Variants in ZFR2 observed in about 807,000 individuals in gnomAD.
The protein encoded by ZFR2 is zinc finger RNA binding protein 2, also known as zinc finger RNA-binding protein 2.
ZFR2 carries 104 observed loss-of-function variants against 105.7 expected under a neutral mutation model. That is an observed-to-expected ratio of 0.98 (90% CI 0.84 to 1.16). The LOEUF (loss-of-function observed/expected upper bound fraction) is 1.16, where lower values mean the gene tolerates loss of function less well. ZFR2 is among the 50% of genes most tolerant of loss of function. The pLI is 0.00. For synonymous variants in ZFR2, 634 were observed against 597.7 expected (o/e 1.06, Z -0.89); for missense variants, 1,425 against 1,355.5 (o/e 1.05, Z -0.80).
chr19:3,867,738 C>T (rs2038448928), intron 1 of ZFR2, among the ~76,000 whole-genome samples: 2 of 152,066 alleles, frequency 1.3e-5, no homozygotes, highest in Non-Finnish European at 2.9e-5. Flanking sequence ...TACTGGCTTC[C>T]CGCCAAGTCT....
chr19:3,845,219 A>T (rs1254317453), intron 1 of ZFR2, among the ~76,000 whole-genome samples: 1 of 152,132 alleles, frequency 6.6e-6, no homozygotes, highest in Admixed American at 6.6e-5. Flanking sequence ...ATTAAGTTTA[A>T]TTCATTTCAA....
At chr19:3,810,635 G>C (rs1252009446) in intron 16 of ZFR2, 115 bp downstream of exon 16, 8 of 1,008,910 alleles carry the variant, frequency 7.9e-6, no homozygotes, top group Non-Finnish European at 1.1e-5. Context: ...CTGAGTACTA[G>C]GTCTCCCGCC....
rs372197446 is a variant in ZFR2 at position 3,830,978 on chromosome 19, CACAT to C, written c.852+321_852+324del. Among the ~76,000 whole-genome samples, 796 of 147,706 alleles carry C rather than the reference CACAT, an allele frequency of 5.4e-3. 3 individuals are homozygous for C. Among genetic ancestry groups the C allele is most frequent in the African/African-American group, 0.015 (599 of 41,208 alleles). ...ATACACACACGCACACACATGCACACACATACACACACGCTTGCACACACAGGCA... is the reference window on the plus strand; with the variant it reads ...ATACACACACGCACACACATGCACACACACACACGCTTGCACACACAGGCA... On this transcript the variant is annotated intron_variant, in intron 5 of 18. Transcript: ENST00000262961.
intron 1 of ZFR2, among the ~76,000 whole-genome samples, chr19:3,842,273 C>G (rs2038140067): frequency 6.6e-6 from 1 of 152,042 alleles, no homozygotes. Context: ...CTCGGCTTCC[C>G]AAAGCACAGG....
In ZFR2 at chr19:3,813,899, G is replaced by A; in HGVS notation, c.2163C>T (p.Ser721=). 6.2e-7 allele frequency: 1 copy of A among 1,613,966 alleles called. No homozygotes were observed. The highest frequency in any genetic ancestry group is 8.5e-7 in the Non-Finnish European group (1 of 1,179,864). The change falls in exon 14 of 19, where the codon TCC becomes TCT. Residue 721 remains serine, a synonymous_variant. Transcript: ENST00000262961. The surrounding 1 kb of genome is among the most constrained non-coding windows in gnomAD (Gnocchi z 4.4). ...SSDPEANIVI[S]SCEEPRMQVT... is the part of the protein sequence containing the mutation. ...CCTGCATCCTGGGCTCCTCACAGGA[G>A]GAGATGACAATGTTGGCTTCAGGGT... is the stretch of plus-strand genomic sequence containing the variant.
Position 3,816,834 on chromosome 19 carries a change from G to A in ZFR2, c.1943C>T (p.Pro648Leu). 6.4e-7 allele frequency: 1 copy of A among 1,563,626 alleles called. No homozygotes were observed. The highest frequency in any genetic ancestry group is 8.7e-7 in the Non-Finnish European group (1 of 1,155,042). The change falls in exon 13 of 19, where the codon CCC (proline) becomes CTC (leucine). Residue 648 changes from proline (P) to leucine (L), a missense_variant. By Grantham distance (98) the Pro-to-Leu change is moderately conservative. Coordinates refer to ENST00000262961, the MANE Select transcript of ZFR2 (RefSeq NM_015174.2). ...GACGCCTTTCAGGACCCGAGTCTGG[G>A]GGGCAACGCTGCTGTGGGGACAAAG... ...EEGDKRSSVA[P>L]QTRVLKGVMR...
intron 1 of ZFR2, among the ~76,000 whole-genome samples, chr19:3,844,011 T>TGTGG (rs1343262643): frequency 2.0e-3 from 3 of 1,478 alleles, no homozygotes; most frequent in East Asian, 0.04. Context: ...GAAAGTAGGA[T>TGTGG]GTGGGGGGGG....
chr19:3,825,105 C>T, intron 7 of ZFR2, 125 bp downstream of exon 7: 1 of 1,173,792 alleles, frequency 8.5e-7, no homozygotes, highest in Non-Finnish European at 1.1e-6. Context: ...CGGCACCAGC[C>T]AGCCCCTCAC....
chr19:3,822,326 G>A, intron 8 of ZFR2, 126 bp from the exon 9 acceptor site: 1 of 1,428,126 alleles, frequency 7.0e-7, no homozygotes, highest in South Asian at 1.3e-5. Flanking sequence ...TGTCTTTTTA[G>A]AGACAGCGTC....
At chr19:3,857,695 CAAAAAA>C (rs11367233) in intron 1 of ZFR2, among the ~76,000 whole-genome samples, 2 of 104,400 alleles carry the variant, frequency 1.9e-5, no homozygotes, top group Non-Finnish European at 2.0e-5. Context: ...GACCCTGTCT[CAAAAAA>C]AAAAAAAAAA....
chr19:3,808,695 A>T (rs76421657), intron 17 of ZFR2, among the ~76,000 whole-genome samples, 177 bp downstream of exon 17: 110 of 152,314 alleles, frequency 7.2e-4, no homozygotes, highest in African/African-American at 2.5e-3. Context: ...GGTGTCCTCC[A>T]TGACCGCGGC....
Position 3,805,556 on chromosome 19 carries a change from G to C in ZFR2, c.*393C>G, listed in dbSNP as rs927357672. 5.9e-6 allele frequency: 1 copy of C among 168,286 alleles called. No individual in the cohort carries two copies. Among genetic ancestry groups the C allele is most frequent in the Admixed American group, 6.1e-5 (1 of 16,486 alleles). 10.4% of individuals were successfully genotyped at this position (168,286 alleles called of 1,614,324 possible). On this transcript the variant is annotated 3_prime_UTR_variant, in exon 19 of 19. Transcript: ENST00000262961. Reference sequence around the variant, plus strand: ...ACTAGAGACAGGGTTTCACCATGTTGACCAGGCCGGTCTCGAACTCCTGAC... The same window carrying C: ...ACTAGAGACAGGGTTTCACCATGTTCACCAGGCCGGTCTCGAACTCCTGAC...
intron 6 of ZFR2, among the ~76,000 whole-genome samples, chr19:3,827,029 G>C (rs767557407): frequency 6.6e-6 from 1 of 152,054 alleles, no homozygotes; most frequent in Non-Finnish European, 1.5e-5. Flanking sequence ...ATCACTTGAG[G>C]TCAGGAGTTC....
rs747377516 is a variant in ZFR2 at position 3,811,434 on chromosome 19, A to AG, written c.2243-69dup. 5.1e-4 allele frequency: 732 copies of AG among 1,435,072 alleles called. 1 individual carries two copies. Among genetic ancestry groups the AG allele is most frequent in the Non-Finnish European group, 6.4e-4 (684 of 1,065,330 alleles). The allele number at this position is 1,435,072 out of a possible 1,614,324, so 88.9% of individuals were successfully genotyped here. A position where few individuals can be genotyped will look rare whatever the true frequency, so the allele number is the denominator to read the frequency against. ...GTCCCGCTCTGCTGCCGACGGGGTG[A>AG]GGGGCTCAGTTTGGGCCCCTCGACG... On this transcript the variant is annotated intron_variant, in intron 14 of 18. Transcript: ENST00000262961.
At position 3,838,868 on chromosome 19, in the gene ZFR2, C is replaced by T. The variant is rs1032201600; in HGVS notation, c.54-3885G>A. On this transcript the variant is annotated intron_variant, in intron 1 of 18. Coordinates refer to ENST00000262961, the MANE Select transcript of ZFR2 (RefSeq NM_015174.2). This position sits in a 1 kb window ranked among gnomAD's most constrained non-coding sequence, Gnocchi z 4.9. ...ATGCCCTGAGATGCAGGACCAGCTG[C>T]AGCTGCCCAGCTGTCTCCCGGGGCC... Among the ~76,000 whole-genome samples, 2 of 152,206 alleles carry T rather than the reference C, an allele frequency of 1.3e-5. No individual in the cohort carries two copies. The highest frequency in any genetic ancestry group is 6.5e-5 in the Admixed American group (1 of 15,278).
intron 1 of ZFR2, among the ~76,000 whole-genome samples, chr19:3,854,729 G>T (rs2038278629): frequency 6.6e-6 from 1 of 152,104 alleles, no homozygotes; most frequent in Non-Finnish European, 1.5e-5. Context: ...AAAGAGTTGG[G>T]CAGAAAACAA....
intron 6 of ZFR2, among the ~76,000 whole-genome samples, chr19:3,826,691 G>A (rs1350490677): frequency 6.6e-6 from 1 of 151,902 alleles, no homozygotes; most frequent in Non-Finnish European, 1.5e-5. Flanking sequence ...ACTCGCCTCG[G>A]CCTCCCAAAG....
rs909737123 is a variant in ZFR2, at chr19:3,825,546, C to G, written c.1036-139G>C. 9 of 1,148,988 alleles carry G rather than the reference C, an allele frequency of 7.8e-6. No homozygotes were observed. In the African/African-American group the frequency reaches 1.1e-4, roughly 14 times the overall value. The allele number at this position is 1,148,988 out of a possible 1,614,324, so 71.2% of individuals were successfully genotyped here. On this transcript the variant is annotated intron_variant, in intron 6 of 18. Transcript: ENST00000262961. ...CCCAGGGACCCCCCTCTCTTCTCTC[C>G]TCCTGCTCTCTGGATAACACCCACT... is the stretch of plus-strand genomic sequence containing the variant.
In ZFR2 at chr19:3,823,424, A is replaced by T; in HGVS notation, c.1214-21T>A. 1 of 1,571,980 alleles carries T rather than the reference A, an allele frequency of 6.4e-7. No individual in the cohort carries two copies. The highest frequency in any genetic ancestry group is 8.6e-7 in the Non-Finnish European group (1 of 1,159,118). On this transcript the variant is annotated intron_variant, in intron 7 of 18. Transcript: ENST00000262961. The surrounding 1 kb of genome is among the most constrained non-coding windows in gnomAD (Gnocchi z 5.4). Reference sequence around the variant, plus strand: ...AGGCCCTGAGGGGAAAAACCATGTCACTTATACCCTGTTCCAGGAGAAAGC... The same window carrying T: ...AGGCCCTGAGGGGAAAAACCATGTCTCTTATACCCTGTTCCAGGAGAAAGC...
Sources: gnomAD v4.1 joint callset for allele counts (sites outside exome capture counted in the v4.1 genomes callset) on GRCh38, gnomAD v4.1.1 for gene constraint, Gnocchi (gnomAD v3.1) non-coding constraint, MANE v1.5 for transcripts, NCBI Gene and HGNC (gene_info 2026-07-23, HGNC 2026-07-21) for gene names.